Variants in GSE1 observed in about 807,000 individuals in gnomAD.
GSE1 encodes genetic suppressor element 1.
GSE1 carries 32 observed loss-of-function variants against 112.6 expected under a neutral mutation model. The ratio of observed to expected loss-of-function variants is 0.28; its 90% CI spans 0.21 to 0.38. The LOEUF (loss-of-function observed/expected upper bound fraction) is 0.38. Among genes scored for constraint, GSE1 ranks in the 10% least tolerant of loss-of-function variants. GSE1 has a pLI of 1.00. For missense variants in GSE1, 2,348 were observed against 1,699.2 expected, an observed-to-expected ratio of 1.38 and a Z score of -6.71; for synonymous variants, 1,115 against 735.6, an observed-to-expected ratio of 1.52 and a Z score of -8.35.
At chr16:85,386,326 G>C (rs1411142804) in intron 2 of GSE1, among the ~76,000 whole-genome samples, 1 of 152,220 alleles carries the variant, frequency 6.6e-6, no homozygotes, top group African/African-American at 2.4e-5. Context: ...TGCTGCCTGG[G>C]TCAAACCTGG....
At chr16:85,420,200 A>G (rs1466911533) in intron 2 of GSE1, among the ~76,000 whole-genome samples, 1 of 151,974 alleles carries the variant, frequency 6.6e-6, no homozygotes, top group Non-Finnish European at 1.5e-5. Flanking sequence ...CAGCCTGGGC[A>G]ACACAGCGAG....
intron 1 of GSE1, among the ~76,000 whole-genome samples, chr16:85,199,074 A>G (rs1286121724): frequency 4.6e-5 from 7 of 151,938 alleles, no homozygotes; most frequent in Admixed American, 4.6e-4. Context: ...CCTCCCGAGT[A>G]GCTGGGATCA....
At chr16:85,537,851 G>C (rs1402198096) in intron 2 of GSE1, among the ~76,000 whole-genome samples, 1 of 152,222 alleles carries the variant, frequency 6.6e-6, no homozygotes, top group Non-Finnish European at 1.5e-5. Context: ...GTTGGGGTGG[G>C]CCTCTCTATG....
chr16:85,518,990 C>T (rs2052047430), intron 2 of GSE1, among the ~76,000 whole-genome samples: 1 of 152,138 alleles, frequency 6.6e-6, no homozygotes, highest in South Asian at 2.1e-4. Context: ...ACTCTGGACC[C>T]GTCTGCCTCG....
At chr16:85,648,032 C>G (rs894988992) in intron 2 of GSE1, among the ~76,000 whole-genome samples, 2 of 151,892 alleles carry the variant, frequency 1.3e-5, no homozygotes, top group Non-Finnish European at 2.9e-5. Flanking sequence ...CTTGGGGTCT[C>G]TGCTGCTTAC....
At chr16:85,578,440 A>G (rs2046320260) in intron 1 of GSE1, among the ~76,000 whole-genome samples, 1 of 152,178 alleles carries the variant, frequency 6.6e-6, no homozygotes, top group Admixed American at 6.5e-5. Context: ...TGGGGCAGCT[A>G]AGGCTCAGAG....
intron 1 of GSE1, among the ~76,000 whole-genome samples, chr16:85,226,496 A>C (rs1314381659): frequency 6.6e-6 from 1 of 152,134 alleles, no homozygotes; most frequent in Non-Finnish European, 1.5e-5. Flanking sequence ...GCAGCATGTG[A>C]CTCTGCAGCC....
At chr16:85,202,976 C>T (rs1341037959) in intron 1 of GSE1, among the ~76,000 whole-genome samples, 1 of 151,076 alleles carries the variant, frequency 6.6e-6, no homozygotes, top group South Asian at 2.1e-4. Flanking sequence ...CCCCTCCCTC[C>T]CCACCTCTAC....
chr16:85,315,777 C>T (rs187902695), intron 1 of GSE1, among the ~76,000 whole-genome samples: 21 of 152,328 alleles, frequency 1.4e-4, no homozygotes, highest in African/African-American at 4.1e-4. Context: ...GTTGTTCATC[C>T]GAAATGAACT....
chr16:85,276,272 T>C (rs1487670522), intron 1 of GSE1, among the ~76,000 whole-genome samples: 1 of 152,238 alleles, frequency 6.6e-6, no homozygotes, highest in Non-Finnish European at 1.5e-5. Context: ...AGCACCTGAC[T>C]TGAATCTCCC....
At chr16:85,322,553 A>C (rs1471784177) in intron 1 of GSE1, among the ~76,000 whole-genome samples, 1 of 150,636 alleles carries the variant, frequency 6.6e-6, no homozygotes, top group Non-Finnish European at 1.5e-5. Context: ...GCCGTGCTCT[A>C]GGGATGTTGT....
intron 1 of GSE1, among the ~76,000 whole-genome samples, chr16:85,314,587 C>A (rs767138691): frequency 6.6e-6 from 1 of 152,202 alleles, no homozygotes; most frequent in Non-Finnish European, 1.5e-5. Flanking sequence ...TGTGCACACA[C>A]ACGAACACAC....
chr16:85,446,084 A>T (rs1193261653), intron 2 of GSE1, among the ~76,000 whole-genome samples: 1 of 152,212 alleles, frequency 6.6e-6, no homozygotes, highest in Non-Finnish European at 1.5e-5. Context: ...TATCAGCGCC[A>T]TGAGCAGCCT....
chr16:85,585,175 G>A lies in GSE1; in HGVS notation c.37+28812G>A, dbSNP rs144365006. 3.4e-3 allele frequency among the ~76,000 whole-genome samples: 519 copies of A among 152,348 alleles called. 2 individuals are homozygous for A. The highest frequency in any genetic ancestry group is 0.012 in the African/African-American group (507 of 41,590). On this transcript the variant is annotated intron_variant, in intron 1 of 2. Coordinates refer to the GSE1 transcript ENST00000635906. ...TCTCTGGCGAGGCCACAGAGGATGGGACAATAAAAACGTGCTGGCCTGCAG... is the reference window on the plus strand; with the variant it reads ...TCTCTGGCGAGGCCACAGAGGATGGAACAATAAAAACGTGCTGGCCTGCAG...
chr16:85,252,239 G>T (rs1257081627), intron 1 of GSE1, among the ~76,000 whole-genome samples: 2 of 152,262 alleles, frequency 1.3e-5, no homozygotes, highest in Non-Finnish European at 2.9e-5. Flanking sequence ...GCAGGAGGGG[G>T]CTGAGCCTGT....
chr16:85,383,903 A>G (rs2047624974), intron 2 of GSE1, among the ~76,000 whole-genome samples: 1 of 152,200 alleles, frequency 6.6e-6, no homozygotes, highest in Non-Finnish European at 1.5e-5. Flanking sequence ...TGGGGTCCAC[A>G]GGATTGTGTC....
At chr16:85,179,415 G>A (rs910475591) in intron 1 of GSE1, among the ~76,000 whole-genome samples, 1 of 152,136 alleles carries the variant, frequency 6.6e-6, no homozygotes, top group African/African-American at 2.4e-5. Context: ...CGTGGACATC[G>A]GCTTGTTTCT....
chr16:85,450,977 G>C (rs982556359), intron 2 of GSE1, among the ~76,000 whole-genome samples: 1 of 148,836 alleles, frequency 6.7e-6, no homozygotes, highest in Non-Finnish European at 1.5e-5. Flanking sequence ...GGGAGGCCAA[G>C]GCAGGAGAAT....
intron 2 of GSE1, among the ~76,000 whole-genome samples, chr16:85,644,687 C>T (rs981823608): frequency 1.3e-5 from 2 of 151,946 alleles, no homozygotes; most frequent in Non-Finnish European, 2.9e-5. Flanking sequence ...GTAGGGGGTT[C>T]CTTTTGGGGT....
Sources: allele counts gnomAD v4.1 joint callset (sites outside exome capture counted in the v4.1 genomes callset), GRCh38; gene constraint gnomAD v4.1.1; transcripts MANE v1.5; gene names NCBI Gene and HGNC (gene_info 2026-07-23, HGNC 2026-07-21).